The following PI4KA variants were observed in gnomAD, a reference collection of about 807,000 sequenced individuals.
PI4KA encodes the protein phosphatidylinositol 4-kinase alpha.
PI4KA carries 122 observed loss-of-function variants against 271.4 expected under a neutral mutation model. That is an observed-to-expected ratio of 0.45 (90% confidence interval 0.39 to 0.52). The LOEUF is 0.52. Among genes scored for constraint, PI4KA ranks in the 20% least tolerant of loss-of-function variants. The probability of loss-of-function intolerance (pLI) is 0.00; values close to 1 mark genes in which losing one functional copy is unlikely to be tolerated. For synonymous variants in PI4KA, 1,041 were observed against 1,078.8 expected, an observed-to-expected ratio of 0.96 and a Z score of 0.69; for missense variants, 1,969 against 2,769.1, an observed-to-expected ratio of 0.71 and a Z score of 6.48.
intron 23 of PI4KA, among the ~76,000 whole-genome samples, chr22:20,754,594 G>C (rs919754464): frequency 2.0e-5 from 3 of 152,162 alleles, no homozygotes; most frequent in African/African-American, 7.2e-5. Context: ...AGTGAATTCT[G>C]CCTGCAGTAG....
intron 23 of PI4KA, among the ~76,000 whole-genome samples, chr22:20,759,863 C>A (rs1442957537): frequency 6.6e-6 from 1 of 152,060 alleles, no homozygotes; most frequent in Non-Finnish European, 1.5e-5. Context: ...CCGCACCCAG[C>A]CAATTTTTTT....
At chr22:20,848,193 G>A (rs1926508833) in intron 1 of PI4KA, among the ~76,000 whole-genome samples, 1 of 143,342 alleles carries the variant, frequency 7.0e-6, no homozygotes, top group Non-Finnish European at 1.5e-5. Flanking sequence ...AGCTGAGATT[G>A]TGCCACTGCA....
intron 4 of PI4KA, among the ~76,000 whole-genome samples, chr22:20,823,624 T>C (rs1404951190): frequency 6.6e-6 from 1 of 152,132 alleles, no homozygotes; most frequent in Non-Finnish European, 1.5e-5. Flanking sequence ...CCCTTAAAGA[T>C]AAAAGCTTCA....
At chr22:20,844,141 AC>A in intron 1 of PI4KA, among the ~76,000 whole-genome samples, 1 of 152,304 alleles carries the variant, frequency 6.6e-6, no homozygotes, top group Middle Eastern at 3.4e-3. Context: ...CAAGATAATT[AC>A]CTTCCTGATG....
chr22:20,834,639 A>C lies in PI4KA; in HGVS notation c.290T>G (p.Val97Gly). 1 of 1,601,692 alleles carries C rather than the reference A, an allele frequency of 6.2e-7. No homozygotes were observed. The highest frequency in any genetic ancestry group is 8.6e-7 in the Non-Finnish European group (1 of 1,168,838). Residue 97 changes from valine to glycine, a missense_variant, in exon 3 of 55, where the codon GTT becomes GGT. By Grantham distance (109) the Val-to-Gly change is moderately radical. This residue lies in a region of PI4KA where 540 missense variants were observed against 555.5 expected (regional missense o/e 0.97). Coordinates refer to ENST00000255882, the MANE Select transcript of PI4KA (RefSeq NM_058004.4). ...TTTGAGAAGTCGAAGAAGGTAAGGA[A>C]CCACACAATCTTTGTGCTAAAAAAT... Reference protein sequence around the residue: ...ESDLQHKDCVVPYLLRLLKGL... With the variant: ...ESDLQHKDCVGPYLLRLLKGL...
chr22:20,722,352 A>G lies in PI4KA; in HGVS notation c.4996-934T>C, dbSNP rs141889589. Among the ~76,000 whole-genome samples, 613 of 152,090 alleles carry G rather than the reference A, an allele frequency of 4.0e-3. 5 individuals are homozygous for G. The highest frequency in any genetic ancestry group is 0.014 in the African/African-American group (592 of 41,490). On this transcript the variant is annotated intron_variant, in intron 42 of 54. Transcript: ENST00000255882. Reference sequence around the variant, plus strand: ...CAGGCGCACACCACCACATCTGGCTAATTTTTGTATTTTTAGTAGAGACAG... The same window carrying G: ...CAGGCGCACACCACCACATCTGGCTGATTTTTGTATTTTTAGTAGAGACAG...
Position 20,783,997 on chromosome 22 carries a change from G to A in PI4KA, c.2328+9196C>T, listed in dbSNP as rs772046451. 1.2e-5 allele frequency: 19 copies of A among 1,614,038 alleles called. No homozygotes were observed. In the South Asian group the frequency reaches 2.1e-4, roughly 18 times the overall value. ...GATCCTGGGTGAATAAATTCCCAGT[G>A]GAAATGACACACAACCACAACTTCC... On this transcript the variant is annotated intron_variant, in intron 19 of 54. Transcript: ENST00000255882.
At chr22:20,765,439 A>G in intron 20 of PI4KA, 146 bp downstream of exon 20, 2 of 748,074 alleles carry the variant, frequency 2.7e-6, no homozygotes, top group South Asian at 3.3e-5. Flanking sequence ...ATCTGGGGAC[A>G]GTAACACTTG....
chr22:20,789,064 A>C (rs1241981897), intron 19 of PI4KA, among the ~76,000 whole-genome samples: 6 of 152,028 alleles, frequency 3.9e-5, no homozygotes, highest in Non-Finnish European at 7.4e-5. Context: ...ACCCACTCAG[A>C]ATCTCTCAGA....
intron 44 of PI4KA, 44 bp from the exon 45 acceptor site, chr22:20,717,822 C>A (rs1372732560): frequency 1.4e-6 from 2 of 1,449,482 alleles, no homozygotes; most frequent in Admixed American, 3.9e-5. Context: ...CCTGGAGGAA[C>A]TGGCTGCTGG....
chr22:20,750,645 G>T (rs1476734990), intron 27 of PI4KA, among the ~76,000 whole-genome samples: 1 of 152,194 alleles, frequency 6.6e-6, no homozygotes, highest in Non-Finnish European at 1.5e-5. Flanking sequence ...GGAAGGGCAG[G>T]CTCTGCGTGG....
chr22:20,845,044 T>C (rs1427320205), intron 1 of PI4KA, among the ~76,000 whole-genome samples: 1 of 152,104 alleles, frequency 6.6e-6, no homozygotes, highest in Non-Finnish European at 1.5e-5. Flanking sequence ...GTTATTCCCA[T>C]TTACAAAAAG....
chr22:20,767,746 T>C (rs1397207274), intron 19 of PI4KA, among the ~76,000 whole-genome samples: 1 of 151,830 alleles, frequency 6.6e-6, no homozygotes, highest in Non-Finnish European at 1.5e-5. Context: ...GCAATTCTCC[T>C]GCCTCAGCCT....
intron 29 of PI4KA, among the ~76,000 whole-genome samples, chr22:20,746,038 C>CAA (rs11330592): frequency 2.7e-4 from 16 of 60,366 alleles, no homozygotes; most frequent in African/African-American, 9.9e-4. Context: ...GGGGTTTCAT[C>CAA]AAAAAAAAAA....
intron 34 of PI4KA, 76 bp from the exon 35 acceptor site, chr22:20,733,919 T>G: frequency 6.3e-7 from 1 of 1,596,774 alleles, no homozygotes; most frequent in South Asian, 1.1e-5. Context: ...CTCTCTTCCC[T>G]GCCCTTCCAG....
In PI4KA at chr22:20,718,837, A is replaced by C. The variant is rs367825616; in HGVS notation, c.5117-15T>G. ...GCCGATGTCAGCTGCCAAGGAAGCA[A>C]AGAGGCTTAAGTCTCTGTGGCTGTG... is the stretch of plus-strand genomic sequence containing the variant. On this transcript the variant is annotated splice_polypyrimidine_tract_variant and intron_variant, in intron 43 of 54. Transcript: ENST00000255882. The C allele has an allele frequency of 1.2e-6, 2 of 1,613,160 alleles. No homozygotes were observed. The highest frequency in any genetic ancestry group is 1.1e-5 in the South Asian group (1 of 91,036).
chr22:20,758,459 C>CTTTTTTTT (rs35401829), intron 23 of PI4KA, among the ~76,000 whole-genome samples: 102 of 84,912 alleles, frequency 1.2e-3, no homozygotes, highest in Non-Finnish European at 1.5e-3. Flanking sequence ...TCTTTCTTTT[C>CTTTTTTTT]TTTTTTTTTT....
chr22:20,757,484 G>A (rs901528540), intron 23 of PI4KA, among the ~76,000 whole-genome samples: 1 of 152,106 alleles, frequency 6.6e-6, no homozygotes, highest in Non-Finnish European at 1.5e-5. Flanking sequence ...TCTCACTTCA[G>A]AAAGGGATCT....
rs577623587 is a variant in PI4KA at position 20,730,664 on chromosome 22, G to A, written c.4289-653C>T. On this transcript the variant is annotated intron_variant, in intron 36 of 54. Transcript: ENST00000255882. ...CAGCTCACTGCAACCTCTGCCTCCC[G>A]GGTTTAAGCAATTCTCCTGTCTCAG... Among the ~76,000 whole-genome samples, 33 of 152,112 alleles carry A rather than the reference G, an allele frequency of 2.2e-4. 1 individual carries two copies. The South Asian group carries it at 5.4e-3, about 25-fold the overall frequency.
Sources: allele counts gnomAD v4.1 joint callset (sites outside exome capture counted in the v4.1 genomes callset), GRCh38; gene constraint gnomAD v4.1.1; regional missense constraint gnomAD v4.1.1; transcripts MANE v1.5; gene names NCBI Gene and HGNC (gene_info 2026-07-23, HGNC 2026-07-21).